Variants in FOXP1 observed in about 807,000 individuals in gnomAD.
The protein encoded by FOXP1 is forkhead box protein P1.
FOXP1 carries 15 observed loss-of-function variants against 98.2 expected under a neutral mutation model. The observed-to-expected ratio is 0.15, with a 90% CI of 0.10 to 0.24. FOXP1 has a LOEUF of 0.24. Ranked by LOEUF, FOXP1 falls within the 10% of genes least tolerant of loss-of-function variation. FOXP1 has a pLI of 1.00. For synonymous variants in FOXP1, 371 were observed against 314.5 expected, an observed-to-expected ratio of 1.18 and a Z score of -1.90; for missense variants, 633 against 848.5, an observed-to-expected ratio of 0.75 and a Z score of 3.15.
At chr3:71,075,156 C>T (rs1331486496) in intron 7 of FOXP1, among the ~76,000 whole-genome samples, 3 of 152,188 alleles carry the variant, frequency 2.0e-5, no homozygotes, top group South Asian at 2.1e-4. Context: ...ACACTGCCAT[C>T]GGTTCTGATC....
intron 6 of FOXP1, among the ~76,000 whole-genome samples, chr3:71,147,860 G>A (rs1034009195): frequency 1.3e-5 from 2 of 151,962 alleles, no homozygotes; most frequent in African/African-American, 2.4e-5. Context: ...ATGTAATTAC[G>A]AAAAATTTAG....
chr3:70,967,362 C>T (rs2035030106), intron 19 of FOXP1, among the ~76,000 whole-genome samples: 1 of 152,226 alleles, frequency 6.6e-6, no homozygotes, highest in Non-Finnish European at 1.5e-5. Context: ...GTCCTGTGCA[C>T]ACTCACCAAA....
intron 1 of FOXP1, chr3:71,582,716 G>T: frequency 1.0e-6 from 1 of 985,360 alleles, no homozygotes; most frequent in Non-Finnish European, 1.2e-6. Context: ...TCTGGCCACG[G>T]CTGTTGCGGA....
intron 2 of FOXP1, among the ~76,000 whole-genome samples, chr3:71,526,885 T>A (rs546513404): frequency 6.8e-6 from 1 of 148,056 alleles, no homozygotes; most frequent in Non-Finnish European, 1.5e-5. Flanking sequence ...GAGAATTGCT[T>A]AAACCTGGGA....
rs78263059 is a variant in FOXP1, at chr3:71,425,929, T to C, written c.-167-66685A>G. Among the ~76,000 whole-genome samples the C allele has an allele frequency of 2.8e-4, 43 of 152,194 alleles. No individual in the cohort carries two copies. In the East Asian group the frequency reaches 6.6e-3, roughly 23 times the overall value. ...CTCACCCACGTATAGCTGAACCACA[T>C]CAATCAATAGTGTGGCCTGTTTAAG... On this transcript the variant is annotated intron_variant, in intron 3 of 20. Coordinates refer to ENST00000649528, the MANE Select transcript of FOXP1 (RefSeq NM_001349338.3).
At chr3:71,394,817 G>A (rs1033390735) in intron 3 of FOXP1, among the ~76,000 whole-genome samples, 2 of 152,060 alleles carry the variant, frequency 1.3e-5, no homozygotes, top group Non-Finnish European at 2.9e-5. Context: ...AATTGAACTG[G>A]AGGCTGGGCG....
At chr3:71,126,017 A>T (rs2059143472) in intron 6 of FOXP1, among the ~76,000 whole-genome samples, 1 of 152,218 alleles carries the variant, frequency 6.6e-6, no homozygotes, top group Admixed American at 6.5e-5. Context: ...CTAGAGCCTC[A>T]CACTCAATAA....
At position 71,039,415 on chromosome 3, in the gene FOXP1, A is replaced by T. The variant is rs558084796; in HGVS notation, c.869+1913T>A. On this transcript the variant is annotated intron_variant, in intron 11 of 20. Transcript: ENST00000649528. Reference sequence around the variant, plus strand: ...TGTGCCTTAAGACATGAAAAGGGCTATTCTTCTCCCACTTGCCTCCTTGCT... The same window carrying T: ...TGTGCCTTAAGACATGAAAAGGGCTTTTCTTCTCCCACTTGCCTCCTTGCT... Among the ~76,000 whole-genome samples, 3 of 152,302 alleles carry T rather than the reference A, an allele frequency of 2.0e-5. 1 individual carries two copies. The highest frequency in any genetic ancestry group is 6.5e-5 in the Admixed American group (1 of 15,296).
At chr3:71,314,807 A>C (rs2074960383) in intron 4 of FOXP1, among the ~76,000 whole-genome samples, 1 of 151,970 alleles carries the variant, frequency 6.6e-6, no homozygotes, top group African/African-American at 2.4e-5. Flanking sequence ...GACTTTGGGG[A>C]GATGTTCAAA....
At chr3:71,109,045 C>A (rs1386357569) in intron 7 of FOXP1, among the ~76,000 whole-genome samples, 1 of 152,202 alleles carries the variant, frequency 6.6e-6, no homozygotes, top group Non-Finnish European at 1.5e-5. Context: ...AATGAACAGA[C>A]TAAGTAAAAA....
intron 3 of FOXP1, among the ~76,000 whole-genome samples, chr3:71,367,415 C>T (rs1466746124): frequency 6.6e-6 from 1 of 152,156 alleles, no homozygotes. Flanking sequence ...AAAGCATTCC[C>T]GTGGTTTACA....
chr3:71,140,956 A>G lies in FOXP1; in HGVS notation c.181-28319T>C, dbSNP rs553668243. On this transcript the variant is annotated intron_variant, in intron 6 of 20. Transcript: ENST00000649528. ...TAGTAAGACTTGGTCTCCAAGAAAAAAAAAAAAAATTGCCAAGAAACTGTG... is the reference window on the plus strand; with the variant it reads ...TAGTAAGACTTGGTCTCCAAGAAAAGAAAAAAAAATTGCCAAGAAACTGTG... Among the ~76,000 whole-genome samples, 3 of 152,076 alleles carry G rather than the reference A, an allele frequency of 2.0e-5. No individual in the cohort carries two copies. The East Asian group carries it at 5.8e-4, about 29-fold the overall frequency.
At position 71,449,400 on chromosome 3, in the gene FOXP1, T is replaced by C. The variant is rs182928956; in HGVS notation, c.-168+44026A>G. ...TAAAAGAAGTGAAATGTAATTTTCA[T>C]GCATTTGTGTGTGTGTGGCAGTAAC... On this transcript the variant is annotated intron_variant, in intron 3 of 20. Coordinates refer to ENST00000649528, the MANE Select transcript of FOXP1 (RefSeq NM_001349338.3). Among the ~76,000 whole-genome samples, 13 of 152,330 alleles carry C rather than the reference T, an allele frequency of 8.5e-5. No homozygotes were observed. The East Asian group carries it at 2.1e-3, about 25-fold the overall frequency.
At chr3:71,434,654 G>GTGTGTA (rs2085057487) in intron 3 of FOXP1, among the ~76,000 whole-genome samples, 1 of 151,820 alleles carries the variant, frequency 6.6e-6, no homozygotes, top group African/African-American at 2.4e-5. Context: ...GTGTGTGTGT[G>GTGTGTA]TGTGTGTGTG....
chr3:71,435,250 G>GGAAGGA (rs201295356), intron 3 of FOXP1, among the ~76,000 whole-genome samples: 2 of 6,654 alleles, frequency 3.0e-4, no homozygotes, highest in Non-Finnish European at 1.1e-3. Context: ...GAGGAAGGAA[G>GGAAGGA]AGAGGGAGGG....
intron 4 of FOXP1, among the ~76,000 whole-genome samples, chr3:71,343,928 G>A (rs1325983292): frequency 6.6e-6 from 1 of 152,176 alleles, no homozygotes; most frequent in East Asian, 1.9e-4. Context: ...AGGAAAGCAG[G>A]ACTCTTTAAG....
At chr3:71,551,925 TC>T (rs373918819) in intron 2 of FOXP1, among the ~76,000 whole-genome samples, 326 of 152,272 alleles carry the variant, frequency 2.1e-3, no homozygotes, top group African/African-American at 7.4e-3. Flanking sequence ...TCTAAACCAT[TC>T]CCTCCAGGAA....
intron 6 of FOXP1, among the ~76,000 whole-genome samples, chr3:71,189,926 A>T (rs909264353): frequency 1.3e-5 from 2 of 152,236 alleles, no homozygotes; most frequent in African/African-American, 4.8e-5. Flanking sequence ...GAGATGTTCA[A>T]GAAGCCAGGA....
chr3:71,260,315 C>T (rs925827971), intron 5 of FOXP1, among the ~76,000 whole-genome samples: 1 of 151,994 alleles, frequency 6.6e-6, no homozygotes, highest in Non-Finnish European at 1.5e-5. Flanking sequence ...AGGCTCGGGG[C>T]GCGGGGGGAG....
Sources: allele counts gnomAD v4.1 joint callset (sites outside exome capture counted in the v4.1 genomes callset), GRCh38; gene constraint gnomAD v4.1.1; transcripts MANE v1.5; gene names NCBI Gene and HGNC (gene_info 2026-07-23, HGNC 2026-07-21).